The following BICD1 variants were observed in gnomAD, a reference collection of about 807,000 sequenced individuals.
The protein encoded by BICD1 is protein bicaudal D homolog 1.
In BICD1, 35 loss-of-function variants were observed where a neutral mutation model predicts 92.5. The ratio of observed to expected loss-of-function variants is 0.38; its 90% CI spans 0.29 to 0.50. The LOEUF (loss-of-function observed/expected upper bound fraction) is 0.50. BICD1 is among the 20% of genes least tolerant of loss of function. BICD1 has a pLI of 0.93. For missense variants in BICD1, 950 were observed against 1,189.8 expected, an observed-to-expected ratio of 0.80 and a Z score of 2.97; for synonymous variants, 429 against 465.1, an observed-to-expected ratio of 0.92 and a Z score of 1.00.
At position 32,338,980 on chromosome 12, in the gene BICD1, GT is replaced by G. The variant is rs754125003; in HGVS notation, c.2764+2del. 26 of 1,586,230 alleles carry G rather than the reference GT, an allele frequency of 1.6e-5. No individual in the cohort carries two copies. Among genetic ancestry groups the G allele is most frequent in the Non-Finnish European group, 2.0e-5 (23 of 1,170,664 alleles). On this transcript the variant is annotated splice_donor_variant, in intron 8 of 9. Transcript: ENST00000652176. LOFTEE classifies it high-confidence loss of function. ...AAAAGGTTAACCGTGGCTCCACCAG[GT>G]AAACATTTTTTCCTTGGGTGCATGT...
intron 1 of BICD1, among the ~76,000 whole-genome samples, chr12:32,213,692 C>T (rs1049608643): frequency 6.6e-6 from 1 of 152,182 alleles, no homozygotes; most frequent in African/African-American, 2.4e-5. Flanking sequence ...AGCCACCGCA[C>T]CCGGCCCCCA....
At chr12:32,342,190 A>ATG (rs1938400389) in intron 8 of BICD1, among the ~76,000 whole-genome samples, 2 of 116,354 alleles carry the variant, frequency 1.7e-5, no homozygotes, top group African/African-American at 3.6e-5. Context: ...GTGTATATAT[A>ATG]TATGTGTGTG....
intron 2 of BICD1, among the ~76,000 whole-genome samples, chr12:32,280,848 C>T (rs1231091179): frequency 6.6e-6 from 1 of 152,178 alleles, no homozygotes; most frequent in Non-Finnish European, 1.5e-5. Context: ...CCATTCAGTT[C>T]TCTACAGTTG....
At chr12:32,322,732 A>G (rs1470685028) in intron 4 of BICD1, among the ~76,000 whole-genome samples, 4 of 152,238 alleles carry the variant, frequency 2.6e-5, no homozygotes, top group African/African-American at 9.6e-5. Context: ...TTTTAGGCTT[A>G]GAAAATGTTT....
chr12:32,226,463 C>T (rs961706813), intron 2 of BICD1, among the ~76,000 whole-genome samples: 1 of 152,214 alleles, frequency 6.6e-6, no homozygotes, highest in Non-Finnish European at 1.5e-5. Context: ...AATATATTAA[C>T]TGGATTTTTG....
At chr12:32,334,380 C>A in intron 5 of BICD1, 136 bp from the exon 6 acceptor site, 1 of 918,510 alleles carries the variant, frequency 1.1e-6, no homozygotes, top group Admixed American at 3.5e-5. Flanking sequence ...AAGCGCATAC[C>A]TATGTTTATA....
chr12:32,276,037 C>G (rs1193864885), intron 2 of BICD1, among the ~76,000 whole-genome samples: 2 of 152,094 alleles, frequency 1.3e-5, no homozygotes, highest in African/African-American at 2.4e-5. Context: ...GCTCTGTGAG[C>G]AAGGATCCCC....
At chr12:32,148,330 C>A (rs1565547639) in intron 1 of BICD1, among the ~76,000 whole-genome samples, 1 of 152,088 alleles carries the variant, frequency 6.6e-6, no homozygotes, top group African/African-American at 2.4e-5. Context: ...GATTCTGATT[C>A]CATGTTCCCC....
intron 1 of BICD1, among the ~76,000 whole-genome samples, chr12:32,148,960 C>T (rs1405408630): frequency 6.7e-6 from 1 of 150,278 alleles, no homozygotes. Context: ...GTAGAGGTTA[C>T]AGTGAGCCGA....
At chr12:32,211,101 A>G (rs1021205905) in intron 1 of BICD1, among the ~76,000 whole-genome samples, 3 of 152,308 alleles carry the variant, frequency 2.0e-5, no homozygotes, top group Admixed American at 1.3e-4. Context: ...CTTTCTTAAA[A>G]GCAGCCATTT....
intron 2 of BICD1, among the ~76,000 whole-genome samples, chr12:32,244,629 A>ATT (rs57854307): frequency 2.2e-4 from 30 of 135,678 alleles, no homozygotes; most frequent in Admixed American, 1.3e-3. Flanking sequence ...TTGATATAGG[A>ATT]TTTTTTTTTT....
At chr12:32,118,598 T>C (rs1360600143) in intron 1 of BICD1, among the ~76,000 whole-genome samples, 2 of 152,150 alleles carry the variant, frequency 1.3e-5, no homozygotes, top group African/African-American at 4.8e-5. Flanking sequence ...TTATAAGTAA[T>C]CTAGAGATGA....
At chr12:32,215,328 G>T (rs771031001) in intron 1 of BICD1, among the ~76,000 whole-genome samples, 2 of 152,040 alleles carry the variant, frequency 1.3e-5, no homozygotes, top group Non-Finnish European at 2.9e-5. Flanking sequence ...CATCTACCCC[G>T]TAAGTGACCA....
intron 1 of BICD1, among the ~76,000 whole-genome samples, chr12:32,124,442 C>T (rs970666493): frequency 8.6e-5 from 13 of 152,016 alleles, no homozygotes; most frequent in Non-Finnish European, 1.9e-4. Flanking sequence ...TGGTTTCCTC[C>T]TCAGTAAAAT....
At chr12:32,224,668 G>A (rs1371161360) in intron 2 of BICD1, among the ~76,000 whole-genome samples, 2 of 152,136 alleles carry the variant, frequency 1.3e-5, no homozygotes, top group Non-Finnish European at 2.9e-5. Flanking sequence ...TGCAATTCAG[G>A]CTCATAGAAT....
chr12:32,112,487 A>C (rs535860912), intron 1 of BICD1, among the ~76,000 whole-genome samples: 1 of 152,278 alleles, frequency 6.6e-6, no homozygotes, highest in African/African-American at 2.4e-5. Flanking sequence ...TCATCCCCTT[A>C]AATATAGTTG....
intron 1 of BICD1, among the ~76,000 whole-genome samples, chr12:32,204,912 ATTATGCG>A (rs1304713475): frequency 4.6e-5 from 7 of 152,178 alleles, no homozygotes; most frequent in African/African-American, 1.7e-4. Context: ...ATCCCTTTCT[ATTATGCG>A]AAGCTGGATT....
intron 1 of BICD1, among the ~76,000 whole-genome samples, chr12:32,151,684 T>G (rs1943291932): frequency 6.6e-6 from 1 of 152,094 alleles, no homozygotes; most frequent in Non-Finnish European, 1.5e-5. Flanking sequence ...GAAATGCCAG[T>G]GGTGATAACA....
chr12:32,306,546 G>C (rs1948231081), intron 4 of BICD1, among the ~76,000 whole-genome samples: 1 of 151,580 alleles, frequency 6.6e-6, no homozygotes, highest in Non-Finnish European at 1.5e-5. Context: ...CCCAGCCCCA[G>C]CTTTCTTTTC....
Sources: gnomAD v4.1 joint callset for allele counts (sites outside exome capture counted in the v4.1 genomes callset) on GRCh38, gnomAD v4.1.1 for gene constraint, MANE v1.5 for transcripts, NCBI Gene and HGNC (gene_info 2026-07-23, HGNC 2026-07-21) for gene names.